SMAP1: variants seen among roughly 807,000 people sequenced by gnomAD.
The protein encoded by SMAP1 is stromal membrane-associated protein 1.
A neutral mutation model predicts 58.5 loss-of-function variants in SMAP1; 24 were observed. The observed-to-expected ratio is 0.41, with a 90% CI of 0.30 to 0.58. SMAP1 has a LOEUF of 0.58. SMAP1 is among the 20% of genes least tolerant of loss of function. SMAP1 has a pLI of 0.29. For missense variants in SMAP1, 563 were observed against 566.3 expected (o/e 0.99, Z 0.06); for synonymous variants, 216 against 196.6 (o/e 1.10, Z -0.82).
intron 1 of SMAP1, among the ~76,000 whole-genome samples, chr6:70,731,652 A>G (rs985628018): frequency 6.6e-6 from 1 of 152,242 alleles, no homozygotes; most frequent in Admixed American, 6.5e-5. Context: ...CAATTTATGT[A>G]AATGGTTTCA....
At chr6:70,765,034 C>G (rs917093624) in intron 3 of SMAP1, among the ~76,000 whole-genome samples, 5 of 152,166 alleles carry the variant, frequency 3.3e-5, no homozygotes, top group Admixed American at 6.5e-5. Flanking sequence ...CTCCTCGGCT[C>G]AAGCGATCAG....
intron 6 of SMAP1, among the ~76,000 whole-genome samples, chr6:70,813,225 G>A (rs1769467583): frequency 6.6e-6 from 1 of 151,884 alleles, no homozygotes; most frequent in African/African-American, 2.4e-5. Flanking sequence ...AGGAGGTGGG[G>A]GTATGTCACA....
intron 4 of SMAP1, among the ~76,000 whole-genome samples, chr6:70,779,927 A>C (rs1441882635): frequency 1.3e-5 from 2 of 152,142 alleles, no homozygotes; most frequent in Non-Finnish European, 2.9e-5. Flanking sequence ...TTGCTTGCAG[A>C]CTCATATCAA....
At chr6:70,821,233 A>G (rs1769877579) in intron 6 of SMAP1, among the ~76,000 whole-genome samples, 2 of 152,170 alleles carry the variant, frequency 1.3e-5, no homozygotes, top group East Asian at 3.8e-4. Context: ...CTTCCTCTGT[A>G]TGGATTCTTT....
intron 4 of SMAP1, among the ~76,000 whole-genome samples, chr6:70,785,080 G>A (rs1767947889): frequency 6.6e-6 from 1 of 152,132 alleles, no homozygotes; most frequent in South Asian, 2.1e-4. Context: ...AAATGTAAAA[G>A]AACAGAGATT....
chr6:70,743,351 A>G (rs867022330), intron 2 of SMAP1, among the ~76,000 whole-genome samples: 89 of 152,276 alleles, frequency 5.8e-4, no homozygotes, highest in African/African-American at 2.1e-3. Context: ...TTTTCTACCT[A>G]TGCCTTTCTG....
At chr6:70,848,437 C>CT (rs1179090735) in intron 7 of SMAP1, among the ~76,000 whole-genome samples, 2 of 152,110 alleles carry the variant, frequency 1.3e-5, no homozygotes, top group Admixed American at 1.3e-4. Flanking sequence ...ATTTTCAGAA[C>CT]TTTAAGTGAT....
intron 2 of SMAP1, among the ~76,000 whole-genome samples, chr6:70,738,874 G>T (rs1765713772): frequency 1.3e-5 from 2 of 152,168 alleles, no homozygotes; most frequent in African/African-American, 2.4e-5. Context: ...AAGAGGAGAT[G>T]AAAGTGGCTA....
intron 1 of SMAP1, among the ~76,000 whole-genome samples, chr6:70,672,706 G>A (rs985284321): frequency 4.6e-5 from 7 of 152,052 alleles, no homozygotes; most frequent in Non-Finnish European, 1.0e-4. Flanking sequence ...TGAGCACAGA[G>A]CCCCTGGCAG....
In SMAP1 at chr6:70,709,149, C is replaced by T. The variant is rs540190244; in HGVS notation, c.119-23229C>T. Among the ~76,000 whole-genome samples the T allele has an allele frequency of 2.6e-5, 4 of 152,082 alleles. No individual in the cohort carries two copies. In the South Asian group the frequency reaches 8.3e-4, roughly 32 times the overall value. On this transcript the variant is annotated intron_variant, in intron 1 of 10. Transcript: ENST00000370455. ...TCTTTTGCATTAGATATTTAGTTTTCCCAACCCCATTTGTTGAAGAGACTG... is the reference window on the plus strand; with the variant it reads ...TCTTTTGCATTAGATATTTAGTTTTTCCAACCCCATTTGTTGAAGAGACTG...
intron 2 of SMAP1, among the ~76,000 whole-genome samples, chr6:70,752,431 T>G (rs781002154): frequency 3.3e-5 from 5 of 152,238 alleles, no homozygotes; most frequent in Admixed American, 6.5e-5. Context: ...ATTCTGTTTC[T>G]TTTCCTGTAA....
At chr6:70,735,738 C>T (rs552769600) in intron 2 of SMAP1, among the ~76,000 whole-genome samples, 167 of 152,236 alleles carry the variant, frequency 1.1e-3, no homozygotes, top group African/African-American at 3.0e-3. Flanking sequence ...CACTGCACTC[C>T]GCCATGAGTT....
At chr6:70,693,028 C>T (rs771159991) in intron 1 of SMAP1, among the ~76,000 whole-genome samples, 5 of 152,084 alleles carry the variant, frequency 3.3e-5, no homozygotes. Flanking sequence ...CATGATCTGC[C>T]CACCTCGGCC....
At chr6:70,690,708 ATT>A (rs200774165) in intron 1 of SMAP1, among the ~76,000 whole-genome samples, 1 of 148,942 alleles carries the variant, frequency 6.7e-6, no homozygotes, top group East Asian at 1.9e-4. Context: ...ATATATATAT[ATT>A]TTTGAATTTG....
chr6:70,793,516 A>G (rs1054784822), intron 5 of SMAP1, among the ~76,000 whole-genome samples: 9 of 152,070 alleles, frequency 5.9e-5, no homozygotes, highest in African/African-American at 2.2e-4. Context: ...GTTTGAGCAG[A>G]AAAGGAAAGA....
At chr6:70,835,251 C>CA (rs778677881) in intron 6 of SMAP1, among the ~76,000 whole-genome samples, 10,743 of 57,168 alleles carry the variant, frequency 0.19, 1,232 homozygotes, top group South Asian at 0.23. Context: ...GACTCCGTCT[C>CA]AAAAAAAAAA....
intron 1 of SMAP1, among the ~76,000 whole-genome samples, chr6:70,671,846 C>T (rs144073074): frequency 6.6e-6 from 1 of 152,320 alleles, no homozygotes; most frequent in East Asian, 1.9e-4. Flanking sequence ...TATGGATAGA[C>T]CACAATTTAT....
intron 1 of SMAP1, among the ~76,000 whole-genome samples, chr6:70,722,801 C>T (rs1057006522): frequency 6.6e-6 from 1 of 152,228 alleles, no homozygotes; most frequent in Non-Finnish European, 1.5e-5. Flanking sequence ...GGTTTAAGAA[C>T]GCCTTTAAGC....
chr6:70,821,248 G>T (rs1769878220), intron 6 of SMAP1, among the ~76,000 whole-genome samples: 1 of 152,104 alleles, frequency 6.6e-6, no homozygotes, highest in South Asian at 2.1e-4. Flanking sequence ...TTCTTTTGCT[G>T]ATCATTGCGT....
Sources: allele counts gnomAD v4.1 joint callset (sites outside exome capture counted in the v4.1 genomes callset), GRCh38; gene constraint gnomAD v4.1.1; transcripts MANE v1.5; gene names NCBI Gene and HGNC (gene_info 2026-07-23, HGNC 2026-07-21).